Variants in NCOR1 observed in about 807,000 individuals in gnomAD.
The protein encoded by NCOR1 is nuclear receptor corepressor 1.
In NCOR1, 63 loss-of-function variants were observed where a neutral mutation model predicts 288.1. That is an observed-to-expected ratio of 0.22 (90% CI 0.18 to 0.27). The LOEUF is 0.27. Ranked by LOEUF, NCOR1 falls within the 10% of genes least tolerant of loss-of-function variation. NCOR1 has a pLI of 1.00. For missense variants in NCOR1, 2,397 were observed against 3,019.2 expected, an observed-to-expected ratio of 0.79 and a Z score of 4.83; for synonymous variants, 1,007 against 1,065.9, an observed-to-expected ratio of 0.94 and a Z score of 1.08.
chr17:16,162,336 G>GA (rs1435418696), intron 5 of NCOR1, among the ~76,000 whole-genome samples: 4 of 151,886 alleles, frequency 2.6e-5, no homozygotes, highest in Admixed American at 2.6e-4. Context: ...CAACTAACAG[G>GA]AATTTCATAA....
At chr17:16,161,230 GACACACACACACACACAC>G (rs67635232) in intron 5 of NCOR1, among the ~76,000 whole-genome samples, 9 of 143,122 alleles carry the variant, frequency 6.3e-5, no homozygotes, top group African/African-American at 1.3e-4. Context: ...AACACACACA[GACACACACACACACACAC>G]ACACACACAC....
At chr17:16,040,669 G>T (rs752904005) in intron 42 of NCOR1, 175 bp from the exon 43 acceptor site, 9 of 645,750 alleles carry the variant, frequency 1.4e-5, no homozygotes, top group Non-Finnish European at 2.5e-5. Context: ...TTGAGACAGG[G>T]TCTCACTCTG....
chr17:16,092,647 T>TTTTA lies in NCOR1; in HGVS notation c.2821-590_2821-589insTAAA, dbSNP rs1340274279. On this transcript the variant is annotated intron_variant, in intron 21 of 45. Coordinates refer to ENST00000268712, the MANE Select transcript of NCOR1 (RefSeq NM_006311.4). ...CTCTTTCACCAGGGATCAGATCCAT[T>TTTTA]TATATATATATATATATATATATAT... Among the ~76,000 whole-genome samples, 23 of 32,130 alleles carry TTTTA rather than the reference T, an allele frequency of 7.2e-4. 2 individuals carry two copies. The highest frequency in any genetic ancestry group is 2.7e-3 in the African/African-American group (21 of 7,686). 21.1% of individuals were successfully genotyped at this position (32,130 alleles called of 152,430 possible).
chr17:16,210,491 G>A (rs1358642796), intron 1 of NCOR1, among the ~76,000 whole-genome samples: 1 of 152,112 alleles, frequency 6.6e-6, no homozygotes, highest in Non-Finnish European at 1.5e-5. Flanking sequence ...TAAATTCCAT[G>A]AAGTGTCACT....
intron 22 of NCOR1, among the ~76,000 whole-genome samples, chr17:16,089,894 A>C (rs2064900305): frequency 6.6e-6 from 1 of 152,146 alleles, no homozygotes; most frequent in Non-Finnish European, 1.5e-5. Flanking sequence ...ATTAGCTAAA[A>C]CAAAACAACC....
intron 10 of NCOR1, among the ~76,000 whole-genome samples, chr17:16,145,525 C>G (rs1394604364): frequency 7.0e-6 from 1 of 142,034 alleles, no homozygotes; most frequent in African/African-American, 2.5e-5. Flanking sequence ...CGTCTGGGAA[C>G]TGAGGAGCGT....
rs559963987 is a variant in NCOR1, at chr17:16,035,331, TG to T, written c.6956-388del. On this transcript the variant is annotated intron_variant, in intron 44 of 45. Coordinates refer to ENST00000268712, the MANE Select transcript of NCOR1 (RefSeq NM_006311.4). ...ATCCCTCAAACCCTTCTTTATTAAC[TG>T]GGTTTATGTAATGTAGTATTCTAAA... is the stretch of plus-strand genomic sequence containing the variant. Among the ~76,000 whole-genome samples, 427 of 152,310 alleles carry T rather than the reference TG, an allele frequency of 2.8e-3. 3 individuals carry two copies. Among genetic ancestry groups the T allele is most frequent in the African/African-American group, 9.5e-3 (394 of 41,570 alleles).
chr17:16,173,304 G>C (rs1466070344), intron 3 of NCOR1, among the ~76,000 whole-genome samples: 1 of 152,008 alleles, frequency 6.6e-6, no homozygotes, highest in Non-Finnish European at 1.5e-5. Flanking sequence ...TTAAAATTCA[G>C]AGTGACATCA....
rs772635912 is a variant in NCOR1, at chr17:16,064,113, G to GCTCCCGCTCCTT, written c.5164_5175dup (p.Lys1722_Glu1725dup). On this transcript the variant is annotated inframe_insertion, in exon 35 of 46. Coordinates refer to ENST00000268712, the MANE Select transcript of NCOR1 (RefSeq NM_006311.4). ...GAGGAAGCTGCAGCAATCCGTTCCC[G>GCTCCCGCTCCTT]CTCCCGCTCCTTCTCCCGCTCCCGT... 7 of 1,613,920 alleles carry GCTCCCGCTCCTT rather than the reference G, an allele frequency of 4.3e-6. No homozygotes were observed. Among genetic ancestry groups the GCTCCCGCTCCTT allele is most frequent in the Non-Finnish European group, 5.1e-6 (6 of 1,179,998 alleles).
At chr17:16,198,543 T>A (rs1001667603) in intron 1 of NCOR1, 1 of 151,814 alleles carries the variant, frequency 6.6e-6, no homozygotes, top group African/African-American at 2.4e-5. Context: ...CTGACCAACA[T>A]GGTGAAACCC....
intron 42 of NCOR1, among the ~76,000 whole-genome samples, chr17:16,043,436 C>A (rs1259504681): frequency 6.6e-6 from 1 of 152,164 alleles, no homozygotes; most frequent in East Asian, 1.9e-4. Context: ...TAAAGCAATT[C>A]TGTTAGTACT....
At chr17:16,186,286 A>G (rs933817972) in intron 3 of NCOR1, among the ~76,000 whole-genome samples, 2 of 152,194 alleles carry the variant, frequency 1.3e-5, no homozygotes, top group African/African-American at 4.8e-5. Flanking sequence ...TCTAATGTGC[A>G]GCCCAAGTCT....
At position 16,049,289 on chromosome 17, in the gene NCOR1, G is replaced by A. The variant is rs116211825; in HGVS notation, c.6393-301C>T. The A allele has an allele frequency of 9.2e-3, 1,782 of 194,054 alleles. 42 individuals carry two copies. Among genetic ancestry groups the A allele is most frequent in the African/African-American group, 0.038 (1,641 of 43,250 alleles). The allele number at this position is 194,054 out of a possible 1,614,324, so 12.0% of individuals were successfully genotyped here. A position where few individuals can be genotyped will look rare whatever the true frequency, so the allele number is the denominator to read the frequency against. On this transcript the variant is annotated intron_variant, in intron 40 of 45. Coordinates refer to ENST00000268712, the MANE Select transcript of NCOR1 (RefSeq NM_006311.4). ...GCAGAAGCTGCGTCCTTGAGGCTCC[G>A]CATGTCCTTCAACATCAGACACCAT...
At chr17:16,180,871 T>G (rs2085256829) in intron 3 of NCOR1, among the ~76,000 whole-genome samples, 1 of 151,256 alleles carries the variant, frequency 6.6e-6, no homozygotes, top group East Asian at 2.0e-4. Context: ...ATTAAGAAAA[T>G]GTGCAGGCCA....
intron 9 of NCOR1, among the ~76,000 whole-genome samples, chr17:16,147,975 G>A (rs894772174): frequency 7.9e-5 from 12 of 152,054 alleles, no homozygotes; most frequent in African/African-American, 2.4e-4. Context: ...GCGCCACCAC[G>A]CCTGGCTAAT....
At chr17:16,189,582 C>T (rs2087644519) in intron 2 of NCOR1, among the ~76,000 whole-genome samples, 1 of 152,080 alleles carries the variant, frequency 6.6e-6, no homozygotes, top group East Asian at 1.9e-4. Flanking sequence ...ATGGGAGCTA[C>T]AGCAAAAAGT....
intron 37 of NCOR1, among the ~76,000 whole-genome samples, chr17:16,060,608 C>T (rs1197119499): frequency 1.3e-5 from 2 of 152,094 alleles, no homozygotes; most frequent in Non-Finnish European, 2.9e-5. Context: ...TATAATTAAG[C>T]TAGTGGATAC....
At chr17:16,152,139 T>A in intron 7 of NCOR1, 141 bp from the exon 8 acceptor site, 1 of 507,172 alleles carries the variant, frequency 2.0e-6, no homozygotes, top group Non-Finnish European at 3.4e-6. Context: ...CCTCCAAACT[T>A]TTATTTTTTT....
intron 14 of NCOR1, among the ~76,000 whole-genome samples, chr17:16,127,139 ATGTATGTATATAT>A (rs1568189604): frequency 7.8e-6 from 1 of 127,694 alleles, no homozygotes; most frequent in African/African-American, 3.6e-5. Context: ...GTATATATAC[ATGTATGTATATAT>A]CTGTATGTAT....
Sources: gnomAD v4.1 joint callset for allele counts (sites outside exome capture counted in the v4.1 genomes callset) on GRCh38, gnomAD v4.1.1 for gene constraint, MANE v1.5 for transcripts, NCBI Gene and HGNC (gene_info 2026-07-23, HGNC 2026-07-21) for gene names.